LMCD1: variants seen among roughly 807,000 people sequenced by gnomAD.
LMCD1 encodes LIM and cysteine rich domains 1.
In LMCD1, 32 loss-of-function variants were observed where a neutral mutation model predicts 42.7. That is an observed-to-expected ratio of 0.75 (90% confidence interval 0.57 to 1.01). LMCD1 has a LOEUF of 1.01. LMCD1 is among the 50% of genes least tolerant of loss of function. LMCD1 has a pLI of 0.00. For missense variants in LMCD1, 458 were observed against 483.1 expected, an observed-to-expected ratio of 0.95 and a Z score of 0.49; for synonymous variants, 178 against 184.9, an observed-to-expected ratio of 0.96 and a Z score of 0.30.
At chr3:8,565,340 A>C in intron 4 of LMCD1, 92 bp from the exon 5 acceptor site, 1 of 1,130,872 alleles carries the variant, frequency 8.8e-7, no homozygotes, top group Non-Finnish European at 1.3e-6. Flanking sequence ...AAGGTCACCC[A>C]GGAAGTAGAA....
chr3:8,544,628 C>T (rs1012788453), intron 3 of LMCD1, among the ~76,000 whole-genome samples: 1 of 152,168 alleles, frequency 6.6e-6, no homozygotes, highest in African/African-American at 2.4e-5. Context: ...TCCCCCACCC[C>T]ACAACAACCC....
At chr3:8,537,148 A>T (rs768897048) in intron 2 of LMCD1, 37 bp from the exon 3 acceptor site, 2 of 1,593,866 alleles carry the variant, frequency 1.3e-6, no homozygotes, top group South Asian at 1.1e-5. Context: ...TTTTTCCTGG[A>T]GGTTAATCTC....
intron 2 of LMCD1, among the ~76,000 whole-genome samples, chr3:8,534,002 C>A (rs777893750): frequency 6.6e-6 from 1 of 151,930 alleles, no homozygotes; most frequent in Non-Finnish European, 1.5e-5. Context: ...ATAATTTAAA[C>A]ACTCCTAGGA....
chr3:8,518,808 G>GC (rs1280903516), intron 1 of LMCD1, among the ~76,000 whole-genome samples: 36 of 152,244 alleles, frequency 2.4e-4, no homozygotes, highest in African/African-American at 7.9e-4. Flanking sequence ...ATTGAGGAAG[G>GC]CAGAGAAAGG....
At chr3:8,538,614 C>T (rs67138998) in intron 3 of LMCD1, among the ~76,000 whole-genome samples, 16,514 of 152,242 alleles carry the variant, frequency 0.11, 1,084 homozygotes, top group South Asian at 0.2. Context: ...GGCCTTCGCA[C>T]GTCCTGCTCC....
At chr3:8,518,395 C>G (rs1694137235) in intron 1 of LMCD1, among the ~76,000 whole-genome samples, 1 of 152,154 alleles carries the variant, frequency 6.6e-6, no homozygotes, top group Non-Finnish European at 1.5e-5. Flanking sequence ...GAGTCATCTT[C>G]CAGAAGGTCA....
chr3:8,569,816 CA>C lies in LMCD1; in HGVS notation c.*2222del, dbSNP rs1258782684. 4.6e-5 allele frequency: 7 copies of C among 152,266 alleles called. No individual in the cohort carries two copies. The highest frequency in any genetic ancestry group is 2.0e-4 in the Admixed American group (3 of 15,234). The allele number at this position is 152,266 out of a possible 1,614,324, so 9.4% of individuals were successfully genotyped here. On this transcript the variant is annotated 3_prime_UTR_variant, in exon 6 of 6. Coordinates refer to ENST00000157600, the MANE Select transcript of LMCD1 (RefSeq NM_014583.4). The stretch of plus-strand genomic sequence containing the variant: ...TTCGAGACCGGCCTGGGCAACATGG[CA>C]AAACTCCACCCCTACAAAAAATACA...
intron 4 of LMCD1, among the ~76,000 whole-genome samples, chr3:8,551,684 G>T (rs553212936): frequency 1.3e-5 from 2 of 152,180 alleles, no homozygotes; most frequent in Non-Finnish European, 2.9e-5. Flanking sequence ...TAGATAGGCT[G>T]ACAGGCCACA....
chr3:8,541,703 G>A (rs979808433), intron 3 of LMCD1, among the ~76,000 whole-genome samples: 4 of 152,228 alleles, frequency 2.6e-5, no homozygotes, highest in Admixed American at 1.3e-4. Flanking sequence ...ATAACATGAC[G>A]TAGTCGGGTA....
Position 8,569,375 on chromosome 3 carries a change from T to C in LMCD1, c.*1777T>C, listed in dbSNP as rs1695178733. 6.6e-6 allele frequency: 1 copy of C among 152,220 alleles called. No homozygotes were observed. Among genetic ancestry groups the C allele is most frequent in the Non-Finnish European group, 1.5e-5 (1 of 68,044 alleles). The allele number at this position is 152,220 out of a possible 1,614,324, so 9.4% of individuals were successfully genotyped here. The stretch of plus-strand genomic sequence containing the variant: ...AGCATAACCTGCTTCTCTGGCACTT[T>C]CCTGAAGCACCAGTGAAATATTCAC... On this transcript the variant is annotated 3_prime_UTR_variant, in exon 6 of 6. Coordinates refer to ENST00000157600, the MANE Select transcript of LMCD1 (RefSeq NM_014583.4).
At chr3:8,554,644 C>T (rs533542310) in intron 4 of LMCD1, among the ~76,000 whole-genome samples, 4 of 152,240 alleles carry the variant, frequency 2.6e-5, no homozygotes, top group South Asian at 2.1e-4. Flanking sequence ...GAGCCCCTCG[C>T]GCACTCTCCA....
chr3:8,506,562 C>T (rs1385304090), intron 1 of LMCD1, among the ~76,000 whole-genome samples: 3 of 152,144 alleles, frequency 2.0e-5, no homozygotes, highest in Admixed American at 2.0e-4. Flanking sequence ...GCTGACAGGG[C>T]TCCAGGAGAA....
In LMCD1 at chr3:8,548,712, G is replaced by T. The variant is rs1694783695; in HGVS notation, c.532G>T (p.Glu178Ter). ...GCGCTGCCGTGGACTTTTGGAGAAT[G>T]AGTTGAAACTGATGGAAGAATTTGT... ...PSRCRGLLEN[E>*]LKLMEEFVKQ... The change falls in exon 4 of 6, where the codon GAG becomes TAG. Residue 178 changes from glutamate (E) to a stop codon, truncating the protein, a stop_gained. Transcript: ENST00000157600. LOFTEE classifies it high-confidence loss of function. The T allele has an allele frequency of 2.5e-6, 4 of 1,614,068 alleles. No individual in the cohort carries two copies. Among genetic ancestry groups the T allele is most frequent in the Non-Finnish European group, 3.4e-6 (4 of 1,180,046 alleles).
intron 1 of LMCD1, chr3:8,514,849 A>T: frequency 2.3e-6 from 1 of 436,374 alleles, no homozygotes; most frequent in Non-Finnish European, 4.7e-6. Flanking sequence ...CCTTTATAAG[A>T]AGAGGTGTTT....
chr3:8,535,249 G>A (rs1230135783), intron 2 of LMCD1, among the ~76,000 whole-genome samples: 1 of 152,178 alleles, frequency 6.6e-6, no homozygotes, highest in Non-Finnish European at 1.5e-5. Flanking sequence ...TCTGAAAATG[G>A]ATAAGCAAGA....
At chr3:8,564,088 A>T (rs528889429) in intron 4 of LMCD1, among the ~76,000 whole-genome samples, 1 of 152,360 alleles carries the variant, frequency 6.6e-6, no homozygotes, top group South Asian at 2.1e-4. Flanking sequence ...GTTTATGAAC[A>T]CGTGAATAAA....
At chr3:8,551,767 T>C (rs575318242) in intron 4 of LMCD1, among the ~76,000 whole-genome samples, 1 of 152,342 alleles carries the variant, frequency 6.6e-6, no homozygotes, top group African/African-American at 2.4e-5. Flanking sequence ...CTGCCTTGCC[T>C]CACCAGCATT....
intron 4 of LMCD1, among the ~76,000 whole-genome samples, chr3:8,554,380 A>T (rs1032730082): frequency 1.3e-5 from 2 of 152,048 alleles, no homozygotes; most frequent in Non-Finnish European, 2.9e-5. Flanking sequence ...GGTGGGTCCG[A>T]CCATGCCAGG....
chr3:8,536,525 T>G (rs533029617), intron 2 of LMCD1, among the ~76,000 whole-genome samples: 6 of 152,236 alleles, frequency 3.9e-5, no homozygotes, highest in Non-Finnish European at 8.8e-5. Flanking sequence ...TGCTGGGTCC[T>G]GTTCACAAAT....
Sources: allele counts gnomAD v4.1 joint callset (sites outside exome capture counted in the v4.1 genomes callset), GRCh38; gene constraint gnomAD v4.1.1; transcripts MANE v1.5; gene names NCBI Gene and HGNC (gene_info 2026-07-23, HGNC 2026-07-21).